B3GALT1: variants seen among roughly 807,000 people sequenced by gnomAD.
The protein encoded by B3GALT1 is beta-1,3-galactosyltransferase 1, also known as UDP-Gal:betaGlcNAc beta 1,3-galactosyltransferase, polypeptide 1.
Under a neutral mutation model 23.2 loss-of-function variants are expected in B3GALT1, and 10 were observed. The observed-to-expected ratio is 0.43, with a 90% CI of 0.27 to 0.73. B3GALT1 has a LOEUF of 0.73. Ranked by LOEUF, B3GALT1 falls within the 30% of genes least tolerant of loss-of-function variation. B3GALT1 has a pLI of 0.21. For synonymous variants in B3GALT1, 156 were observed against 141.5 expected, an observed-to-expected ratio of 1.10 and a Z score of -0.73; for missense variants, 299 against 405.4, an observed-to-expected ratio of 0.74 and a Z score of 2.25.
At chr2:167,857,241 A>C (rs1176301893) in intron 4 of B3GALT1, among the ~76,000 whole-genome samples, 1 of 152,068 alleles carries the variant, frequency 6.6e-6, no homozygotes, top group Non-Finnish European at 1.5e-5. Context: ...TGCAGTGGGG[A>C]GGAGAGCATA....
chr2:167,455,316 A>T (rs1413720066), intron 1 of B3GALT1, among the ~76,000 whole-genome samples: 1 of 152,182 alleles, frequency 6.6e-6, no homozygotes, highest in Non-Finnish European at 1.5e-5. Flanking sequence ...AGTATTTAAA[A>T]AATCTTATGA....
At chr2:167,605,145 T>G (rs1271111190) in intron 2 of B3GALT1, among the ~76,000 whole-genome samples, 1 of 152,082 alleles carries the variant, frequency 6.6e-6, no homozygotes, top group Non-Finnish European at 1.5e-5. Flanking sequence ...TGGGACATAC[T>G]GTCCCTAAAG....
At chr2:167,544,893 G>T (rs759474391) in intron 2 of B3GALT1, among the ~76,000 whole-genome samples, 1 of 152,064 alleles carries the variant, frequency 6.6e-6, no homozygotes, top group Non-Finnish European at 1.5e-5. Flanking sequence ...GTTACAGCTC[G>T]ATTAGAGAAA....
intron 2 of B3GALT1, among the ~76,000 whole-genome samples, chr2:167,572,901 C>G (rs1259791926): frequency 6.6e-6 from 1 of 151,672 alleles, no homozygotes; most frequent in Non-Finnish European, 1.5e-5. Flanking sequence ...GCTAGTTGCC[C>G]TACTAAATTA....
chr2:167,364,799 T>C (rs1389250853), intron 1 of B3GALT1, among the ~76,000 whole-genome samples: 1 of 152,302 alleles, frequency 6.6e-6, no homozygotes, highest in East Asian at 1.9e-4. Flanking sequence ...TCATTTCTTC[T>C]TTTTCTTTAC....
At chr2:167,363,472 C>T (rs1471829525) in intron 1 of B3GALT1, among the ~76,000 whole-genome samples, 2 of 152,094 alleles carry the variant, frequency 1.3e-5, no homozygotes, top group East Asian at 1.9e-4. Flanking sequence ...TCTCTCCCTT[C>T]AAGCCCCACA....
At chr2:167,809,423 C>G (rs1309245944) in intron 3 of B3GALT1, among the ~76,000 whole-genome samples, 1 of 151,934 alleles carries the variant, frequency 6.6e-6, no homozygotes, top group Non-Finnish European at 1.5e-5. Flanking sequence ...TTTTATCTAC[C>G]TTTGGTCTTT....
chr2:167,402,266 C>T (rs1473258307), intron 1 of B3GALT1, among the ~76,000 whole-genome samples: 2 of 151,806 alleles, frequency 1.3e-5, no homozygotes, highest in African/African-American at 2.4e-5. Flanking sequence ...AAAATAATAG[C>T]GTGTCATCAA....
intron 3 of B3GALT1, among the ~76,000 whole-genome samples, chr2:167,749,173 C>T (rs1687696015): frequency 6.6e-6 from 1 of 152,172 alleles, no homozygotes; most frequent in Admixed American, 6.5e-5. Flanking sequence ...GCTTCACAAC[C>T]TTTTCATAGA....
chr2:167,351,955 ATTTTTTTTTT>A (rs71031283), intron 1 of B3GALT1, among the ~76,000 whole-genome samples: 92,591 of 134,464 alleles, frequency 0.69, 33,421 homozygotes, highest in Non-Finnish European at 0.82. Context: ...GCTGTTTTTG[ATTTTTTTTTT>A]TTTTTTTTTT....
At chr2:167,449,996 G>T (rs1699063045) in intron 1 of B3GALT1, among the ~76,000 whole-genome samples, 1 of 152,106 alleles carries the variant, frequency 6.6e-6, no homozygotes, top group Non-Finnish European at 1.5e-5. Context: ...CAGTTAGGTA[G>T]TATTTTGTTA....
chr2:167,522,027 T>TATACAC (rs1700197990), intron 2 of B3GALT1, among the ~76,000 whole-genome samples: 1 of 147,584 alleles, frequency 6.8e-6, no homozygotes, highest in Non-Finnish European at 1.5e-5. Flanking sequence ...TATAATTATA[T>TATACAC]ATATGTATAT....
intron 3 of B3GALT1, among the ~76,000 whole-genome samples, chr2:167,740,356 C>T (rs576094312): frequency 4.6e-5 from 7 of 152,170 alleles, no homozygotes; most frequent in African/African-American, 1.7e-4. Flanking sequence ...GCCTATTTCT[C>T]TCCAGGAATG....
intron 2 of B3GALT1, among the ~76,000 whole-genome samples, chr2:167,518,106 A>G (rs1372124784): frequency 6.6e-6 from 1 of 152,156 alleles, no homozygotes; most frequent in Non-Finnish European, 1.5e-5. Flanking sequence ...TTCACAACTC[A>G]TATCCTCATT....
At chr2:167,748,445 C>G (rs1687684270) in intron 3 of B3GALT1, among the ~76,000 whole-genome samples, 1 of 152,110 alleles carries the variant, frequency 6.6e-6, no homozygotes, top group African/African-American at 2.4e-5. Flanking sequence ...ATTAAAATAT[C>G]TCTTGAAGCT....
Position 167,802,175 on chromosome 2 carries a change from C to T in B3GALT1, c.-351-16497C>T, listed in dbSNP as rs189926712. Reference sequence around the variant, plus strand: ...TGAGATGACAACTTGTACTGCAGTCCTCCCTGTGAGCTCAGACAGACTTCA... The same window carrying T: ...TGAGATGACAACTTGTACTGCAGTCTTCCCTGTGAGCTCAGACAGACTTCA... On this transcript the variant is annotated intron_variant, in intron 3 of 4. Transcript: ENST00000392690. 1.6e-4 allele frequency among the ~76,000 whole-genome samples: 24 copies of T among 152,312 alleles called. No individual in the cohort carries two copies. The East Asian group carries it at 2.3e-3, about 15-fold the overall frequency.
intron 3 of B3GALT1, among the ~76,000 whole-genome samples, chr2:167,718,459 C>A (rs1264104320): frequency 6.6e-6 from 1 of 152,082 alleles, no homozygotes; most frequent in Non-Finnish European, 1.5e-5. Context: ...TTTGCAATCA[C>A]TAAGTTTTAA....
At chr2:167,832,933 G>A (rs892826967) in intron 4 of B3GALT1, among the ~76,000 whole-genome samples, 1 of 152,222 alleles carries the variant, frequency 6.6e-6, no homozygotes, top group South Asian at 2.1e-4. Flanking sequence ...ACCATTAGAG[G>A]TGACAGCAGG....
intron 3 of B3GALT1, among the ~76,000 whole-genome samples, chr2:167,681,948 G>A (rs7591667): frequency 0.15 from 22,584 of 152,182 alleles, 2,697 homozygotes; most frequent in East Asian, 0.36. Flanking sequence ...TGTCATTAAG[G>A]CAAATCATAT....
Sources: gnomAD v4.1 joint callset for allele counts (sites outside exome capture counted in the v4.1 genomes callset) on GRCh38, gnomAD v4.1.1 for gene constraint, MANE v1.5 for transcripts, NCBI Gene and HGNC (gene_info 2026-07-23, HGNC 2026-07-21) for gene names.